The following TBCA variants were observed in gnomAD, a reference collection of about 807,000 sequenced individuals.
TBCA encodes the protein tubulin folding cofactor A.
Under a neutral mutation model 15.8 loss-of-function variants are expected in TBCA, and 6 were observed. The observed-to-expected ratio is 0.38, with a 90% CI of 0.21 to 0.75. The LOEUF (loss-of-function observed/expected upper bound fraction) is 0.75. Among genes scored for constraint, TBCA ranks in the 30% least tolerant of loss-of-function variants. The pLI, the probability that TBCA is intolerant of heterozygous loss-of-function variation, is 0.46. For missense variants in TBCA, 90 were observed against 131.2 expected (o/e 0.69, Z 1.53); for synonymous variants, 32 against 42.3 (o/e 0.76, Z 0.94).
At chr5:77,776,107 C>G in intron 1 of TBCA, 98 bp downstream of exon 1, 1 of 1,465,570 alleles carries the variant, frequency 6.8e-7, no homozygotes, top group South Asian at 1.2e-5. Flanking sequence ...GAGTTCGGAG[C>G]CCGCCTCGGG....
Position 77,691,299 on chromosome 5 carries a change from A to C in TBCA, c.*119T>G, listed in dbSNP as rs1279087609. On this transcript the variant is annotated 3_prime_UTR_variant, in exon 4 of 4. Coordinates refer to ENST00000380377, the MANE Select transcript of TBCA (RefSeq NM_004607.3). ...AAATTAGACAAAGAAATATATATGT[A>C]ACCAGATAAAAACAATCACATTCTC... is the stretch of plus-strand genomic sequence containing the variant. 4.0e-6 allele frequency: 3 copies of C among 754,318 alleles called. No homozygotes were observed. Among genetic ancestry groups the C allele is most frequent in the Non-Finnish European group, 6.4e-6 (3 of 465,374 alleles). 46.7% of individuals were successfully genotyped at this position (754,318 alleles called of 1,614,324 possible).
chr5:77,745,922 T>C (rs1172129808), intron 1 of TBCA, among the ~76,000 whole-genome samples: 2 of 152,216 alleles, frequency 1.3e-5, no homozygotes, highest in African/African-American at 4.8e-5. Context: ...TTAATTACTA[T>C]GGTAACCAAT....
At chr5:77,693,121 A>T in intron 3 of TBCA, 145 bp downstream of exon 3, 1 of 1,497,746 alleles carries the variant, frequency 6.7e-7, no homozygotes, top group Non-Finnish European at 8.8e-7. Context: ...AACTCCATTA[A>T]TTATTTTAAA....
intron 1 of TBCA, among the ~76,000 whole-genome samples, chr5:77,770,250 T>G (rs917386645): frequency 6.6e-6 from 1 of 152,214 alleles, no homozygotes; most frequent in African/African-American, 2.4e-5. Flanking sequence ...TTTCTCCTAC[T>G]TTAGTGAAAA....
chr5:77,728,435 A>G (rs1206777397), intron 1 of TBCA, among the ~76,000 whole-genome samples: 3 of 152,212 alleles, frequency 2.0e-5, no homozygotes, highest in African/African-American at 2.4e-5. Flanking sequence ...AGGAGAAACC[A>G]GTATTATAAA....
chr5:77,756,998 G>C (rs1212110276), intron 1 of TBCA, among the ~76,000 whole-genome samples: 2 of 152,102 alleles, frequency 1.3e-5, no homozygotes, highest in Admixed American at 1.3e-4. Context: ...AGTAATGAAA[G>C]AACAATTTTT....
intron 1 of TBCA, among the ~76,000 whole-genome samples, chr5:77,720,115 A>C (rs1266160250): frequency 6.6e-6 from 1 of 152,170 alleles, no homozygotes. Context: ...ATCTCTCTCT[A>C]AAATGATACC....
At chr5:77,714,019 AC>A (rs1211816881) in intron 1 of TBCA, among the ~76,000 whole-genome samples, 25 of 141,898 alleles carry the variant, frequency 1.8e-4, no homozygotes, top group South Asian at 6.9e-4. Flanking sequence ...AAAAAAAAAA[AC>A]CCCATCTATG....
At position 77,723,268 on chromosome 5, in the gene TBCA, A is replaced by AT. The variant is rs1015138619; in HGVS notation, c.54-14922dup. On this transcript the variant is annotated intron_variant, in intron 1 of 3. Coordinates refer to ENST00000380377, the MANE Select transcript of TBCA (RefSeq NM_004607.3). ...GCTACAAATCTTATAAAGTATTACA[A>AT]TTTTTTTTTAAAAAAAGTAATTTTA... is the stretch of plus-strand genomic sequence containing the variant. 4.0e-5 allele frequency among the ~76,000 whole-genome samples: 6 copies of AT among 151,610 alleles called. No individual in the cohort carries two copies. In the East Asian group the frequency reaches 7.7e-4, roughly 20 times the overall value.
At chr5:77,726,621 T>G (rs1371659818) in intron 1 of TBCA, among the ~76,000 whole-genome samples, 3 of 152,214 alleles carry the variant, frequency 2.0e-5, no homozygotes, top group Non-Finnish European at 4.4e-5. Context: ...TCATTTAATA[T>G]TCTCTGAATT....
At chr5:77,720,158 T>C (rs3105128) in intron 1 of TBCA, among the ~76,000 whole-genome samples, 74,559 of 151,834 alleles carry the variant, frequency 0.49, 18,470 homozygotes, top group South Asian at 0.53. Flanking sequence ...ATAGTAATCA[T>C]GCTCTCATCT....
intron 2 of TBCA, among the ~76,000 whole-genome samples, chr5:77,706,820 A>AG (rs1746161003): frequency 6.6e-6 from 1 of 151,184 alleles, no homozygotes; most frequent in South Asian, 2.1e-4. Flanking sequence ...TAAAAAAAAA[A>AG]AAAAAAAAGA....
intron 2 of TBCA, among the ~76,000 whole-genome samples, chr5:77,703,919 TAGTG>T (rs1369557323): frequency 1.6e-5 from 2 of 128,908 alleles, no homozygotes; most frequent in Non-Finnish European, 3.5e-5. Flanking sequence ...TATGCTCTGA[TAGTG>T]AGTGAGTTCT....
At chr5:77,699,046 A>G (rs1324762624) in intron 2 of TBCA, among the ~76,000 whole-genome samples, 1 of 149,746 alleles carries the variant, frequency 6.7e-6, no homozygotes, top group Non-Finnish European at 1.5e-5. Flanking sequence ...AAAAAAAAAA[A>G]AAAAAAAAAA....
chr5:77,719,436 C>T (rs964127494), intron 1 of TBCA, among the ~76,000 whole-genome samples: 1 of 152,174 alleles, frequency 6.6e-6, no homozygotes, highest in African/African-American at 2.4e-5. Context: ...CCCAGCCACT[C>T]AGTTCCCACC....
intron 1 of TBCA, among the ~76,000 whole-genome samples, chr5:77,714,103 T>C (rs1253621196): frequency 1.3e-5 from 2 of 151,432 alleles, no homozygotes; most frequent in African/African-American, 4.8e-5. Context: ...GGAGGATCAC[T>C]CGAGGTCAGG....
intron 2 of TBCA, among the ~76,000 whole-genome samples, chr5:77,700,171 C>T (rs778617353): frequency 5.6e-4 from 85 of 151,984 alleles, no homozygotes; most frequent in Non-Finnish European, 7.5e-4. Context: ...CCTCACTGCA[C>T]TCCAGCCTGG....
intron 1 of TBCA, among the ~76,000 whole-genome samples, chr5:77,717,168 G>A (rs949101879): frequency 1.5e-4 from 23 of 152,268 alleles, no homozygotes; most frequent in African/African-American, 5.1e-4. Context: ...TCAACCAACC[G>A]TAAAAGCGTA....
chr5:77,701,682 CATATAT>C (rs58679612), intron 2 of TBCA, among the ~76,000 whole-genome samples: 2,139 of 50,864 alleles, frequency 0.042, 35 homozygotes, highest in East Asian at 0.061. Context: ...CTGTGGCATG[CATATAT>C]ATATATATAT....
Sources: allele counts gnomAD v4.1 joint callset (sites outside exome capture counted in the v4.1 genomes callset), GRCh38; gene constraint gnomAD v4.1.1; transcripts MANE v1.5; gene names NCBI Gene and HGNC (gene_info 2026-07-23, HGNC 2026-07-21).